RIC3: variants seen among roughly 807,000 people sequenced by gnomAD.
RIC3 encodes the protein RIC3 acetylcholine receptor chaperone, also known as protein RIC-3.
A neutral mutation model predicts 27.3 loss-of-function variants in RIC3; 28 were observed. The ratio of observed to expected loss-of-function variants is 1.02; its 90% CI spans 0.76 to 1.41. The LOEUF (loss-of-function observed/expected upper bound fraction) is 1.41. RIC3 is among the 40% of genes most tolerant of loss of function. The pLI is 0.00. For missense variants in RIC3, 501 were observed against 444.7 expected (o/e 1.13, Z -1.14); for synonymous variants, 184 against 160.4 (o/e 1.15, Z -1.11).
At chr11:8,119,824 AC>A in intron 5 of RIC3, among the ~76,000 whole-genome samples, 1 of 152,338 alleles carries the variant, frequency 6.6e-6, no homozygotes, top group South Asian at 2.1e-4. Context: ...TCTAGAATCT[AC>A]AAAAAACTCA....
intron 4 of RIC3, chr11:8,128,236 T>C (rs1340718672): frequency 2.2e-6 from 1 of 457,230 alleles, no homozygotes; most frequent in Non-Finnish European, 4.4e-6. Flanking sequence ...TCACAAACTC[T>C]TGTCTCTTCA....
intron 5 of RIC3, among the ~76,000 whole-genome samples, chr11:8,119,296 A>G: frequency 6.6e-6 from 1 of 152,318 alleles, no homozygotes; most frequent in Non-Finnish European, 1.5e-5. Flanking sequence ...TTCAAACTAT[A>G]CTACAAGGCT....
intron 1 of RIC3, chr11:8,153,290 T>A (rs965567507): frequency 2.8e-6 from 1 of 358,440 alleles, no homozygotes; most frequent in Non-Finnish European, 5.4e-6. Context: ...GGCTCTGAGA[T>A]TAGAATGACA....
At chr11:8,100,584 T>C in the RIC3 span, 1 of 1,614,090 alleles carries the variant, frequency 6.2e-7, no homozygotes. Context: ...TGAGAGAGTC[T>C]CTATCCGCCC....
At chr11:8,100,328 G>C in the RIC3 span, among the ~76,000 whole-genome samples, 1 of 152,126 alleles carries the variant, frequency 6.6e-6, no homozygotes, top group Non-Finnish European at 1.5e-5. Flanking sequence ...GCTAGTTCTG[G>C]CAGGGTAGAG....
the RIC3 span, chr11:8,095,675 A>G: frequency 6.3e-7 from 1 of 1,584,772 alleles, no homozygotes; most frequent in Non-Finnish European, 8.6e-7. Context: ...GGTGAGCCCC[A>G]TGGGGACCCA....
chr11:8,149,226 T>C (rs952040659), intron 1 of RIC3, among the ~76,000 whole-genome samples: 2 of 148,978 alleles, frequency 1.3e-5, no homozygotes, highest in South Asian at 4.3e-4. Flanking sequence ...TAATAAAAAA[T>C]AATAAAAAAA....
chr11:8,121,504 C>T (rs1311967314), intron 5 of RIC3, among the ~76,000 whole-genome samples: 1 of 151,976 alleles, frequency 6.6e-6, no homozygotes, highest in Non-Finnish European at 1.5e-5. Flanking sequence ...TCGCTTGAGG[C>T]CAGGAGTTCA....
At chr11:8,099,992 C>A in the RIC3 span, among the ~76,000 whole-genome samples, 6 of 152,186 alleles carry the variant, frequency 3.9e-5, no homozygotes, top group Non-Finnish European at 8.8e-5. Flanking sequence ...CTGGAGAGTT[C>A]TGAGCAGAGG....
intron 1 of RIC3, among the ~76,000 whole-genome samples, chr11:8,141,750 T>G (rs1949098098): frequency 6.6e-6 from 1 of 152,104 alleles, no homozygotes; most frequent in Admixed American, 6.5e-5. Flanking sequence ...ACACCACAAC[T>G]ATTCCAAAAT....
chr11:8,123,041 TAA>T (rs902184777), intron 5 of RIC3, among the ~76,000 whole-genome samples: 4 of 151,526 alleles, frequency 2.6e-5, no homozygotes, highest in Non-Finnish European at 5.9e-5. Context: ...AAATGAGACA[TAA>T]AAAAGACCCA....
rs1336605988 is a variant in RIC3 at position 8,110,299 on chromosome 11, T to C, written c.*399A>G. 1.5e-5 allele frequency: 5 copies of C among 326,162 alleles called. No individual in the cohort carries two copies. Among genetic ancestry groups the C allele is most frequent in the East Asian group, 7.9e-5 (1 of 12,668 alleles). The allele number at this position is 326,162 out of a possible 1,614,324, so 20.2% of individuals were successfully genotyped here. On this transcript the variant is annotated 3_prime_UTR_variant, in exon 6 of 6. Coordinates refer to ENST00000309737, the MANE Select transcript of RIC3 (RefSeq NM_001206671.4). The stretch of plus-strand genomic sequence containing the variant: ...GGGATCTTGGAGTCTGAAATCTTCA[T>C]TCTTGCAACCTTAAGTCCTCATCAT...
chr11:8,134,440 G>A (rs999226425), intron 4 of RIC3, among the ~76,000 whole-genome samples: 10 of 152,162 alleles, frequency 6.6e-5, no homozygotes, highest in Non-Finnish European at 2.9e-5. Flanking sequence ...ATTGTGAATA[G>A]TGCCTCAGTA....
chr11:8,156,463 C>T (rs1950661090), intron 1 of RIC3, among the ~76,000 whole-genome samples: 1 of 152,196 alleles, frequency 6.6e-6, no homozygotes, highest in Non-Finnish European at 1.5e-5. Flanking sequence ...ATCATATATA[C>T]AAAGCACCTA....
chr11:8,147,453 GA>G (rs902546053), intron 1 of RIC3, among the ~76,000 whole-genome samples: 8 of 147,122 alleles, frequency 5.4e-5, no homozygotes, highest in African/African-American at 1.7e-4. Flanking sequence ...AAGAAAGAAA[GA>G]AAAAAAAAAG....
intron 4 of RIC3, among the ~76,000 whole-genome samples, chr11:8,131,735 T>C (rs1026410285): frequency 6.6e-6 from 1 of 151,746 alleles, no homozygotes; most frequent in African/African-American, 2.4e-5. Context: ...ACCTTGTCTC[T>C]ACTAAAAATA....
chr11:8,144,228 C>G lies in RIC3; in HGVS notation c.125-4035G>C, dbSNP rs1211496904. Among the ~76,000 whole-genome samples, 4 of 151,098 alleles carry G rather than the reference C, an allele frequency of 2.6e-5. 1 individual carries two copies. Among genetic ancestry groups the G allele is most frequent in the African/African-American group, 4.9e-5 (2 of 41,090 alleles). ...TCTGCACAGCAAAAGAAACTACCAT[C>G]AGAGTGAACAGGCAACCTACAAAAT... On this transcript the variant is annotated intron_variant, in intron 1 of 5. Coordinates refer to ENST00000309737, the MANE Select transcript of RIC3 (RefSeq NM_001206671.4).
Position 8,110,030 on chromosome 11 carries a change from T to C in RIC3, c.*668A>G, listed in dbSNP as rs532979604. The C allele has an allele frequency of 2.6e-5, 4 of 155,056 alleles. No individual in the cohort carries two copies. The highest frequency in any genetic ancestry group is 6.3e-5 in the Admixed American group (1 of 15,902). The allele number at this position is 155,056 out of a possible 1,614,324, so 9.6% of individuals were successfully genotyped here. A position where few individuals can be genotyped will look rare whatever the true frequency, so the allele number is the denominator to read the frequency against. ...AAGGAAGCTAGATATCCAGGTAGTA[T>C]CAGAGTAAAACAGTCCCCAAACAAG... is the stretch of plus-strand genomic sequence containing the variant. On this transcript the variant is annotated 3_prime_UTR_variant, in exon 6 of 6. Transcript: ENST00000309737.
chr11:8,144,319 A>C (rs1388709758), intron 1 of RIC3, among the ~76,000 whole-genome samples: 13 of 147,354 alleles, frequency 8.8e-5, no homozygotes, highest in African/African-American at 2.3e-4. Context: ...CGATGAACTC[A>C]AACAAATTTA....
Sources: gnomAD v4.1 joint callset for allele counts (sites outside exome capture counted in the v4.1 genomes callset) on GRCh38, gnomAD v4.1.1 for gene constraint, MANE v1.5 for transcripts, NCBI Gene and HGNC (gene_info 2026-07-23, HGNC 2026-07-21) for gene names.